Variants in TIPARP observed in about 807,000 individuals in gnomAD.
TIPARP encodes TCDD inducible poly(ADP-ribose) polymerase, also known as protein mono-ADP-ribosyltransferase TIPARP.
In TIPARP, 12 loss-of-function variants were observed where a neutral mutation model predicts 56.5. That is an observed-to-expected ratio of 0.21 (90% confidence interval 0.14 to 0.34). TIPARP has a LOEUF of 0.34. Ranked by LOEUF, TIPARP falls within the 10% of genes least tolerant of loss-of-function variation. The pLI is 1.00. For synonymous variants in TIPARP, 296 were observed against 265.7 expected, an observed-to-expected ratio of 1.11 and a Z score of -1.11; for missense variants, 604 against 781.6, an observed-to-expected ratio of 0.77 and a Z score of 2.71.
intron 2 of TIPARP, among the ~76,000 whole-genome samples, chr3:156,686,974 T>A (rs913376526): frequency 1.3e-5 from 2 of 152,158 alleles, no homozygotes; most frequent in African/African-American, 4.8e-5. Flanking sequence ...ATGGGAGGCA[T>A]TTTTTATTGT....
intron 2 of TIPARP, among the ~76,000 whole-genome samples, chr3:156,679,683 A>T (rs568865571): frequency 6.6e-6 from 1 of 152,322 alleles, no homozygotes; most frequent in East Asian, 1.9e-4. Context: ...TAGTACTGAG[A>T]TGACCCATAT....
At chr3:156,688,490 CCG>C (rs1491011200) in intron 2 of TIPARP, among the ~76,000 whole-genome samples, 10 of 149,310 alleles carry the variant, frequency 6.7e-5, no homozygotes, top group African/African-American at 1.5e-4. Flanking sequence ...CCGCCCCCCC[CCG>C]CAATAAGTAG....
chr3:156,693,793 T>A (rs891809007), intron 2 of TIPARP, among the ~76,000 whole-genome samples: 1 of 152,078 alleles, frequency 6.6e-6, no homozygotes, highest in Non-Finnish European at 1.5e-5. Flanking sequence ...CTTACTATAA[T>A]TCCATGGCCT....
At chr3:156,700,919 C>G (rs148988747) in intron 4 of TIPARP, among the ~76,000 whole-genome samples, 2,419 of 152,276 alleles carry the variant, frequency 0.016, 34 homozygotes, top group Middle Eastern at 0.075. Context: ...GGCTGGTGTC[C>G]GTCTGTGAAA....
At chr3:156,691,839 C>G (rs1316361724) in intron 2 of TIPARP, among the ~76,000 whole-genome samples, 1 of 152,142 alleles carries the variant, frequency 6.6e-6, no homozygotes, top group Non-Finnish European at 1.5e-5. Context: ...TTTGATACAT[C>G]AATCCAAAGA....
rs758489419 is a variant in TIPARP, at chr3:156,677,680, T to C, written c.-18T>C. 5 of 1,547,654 alleles carry C rather than the reference T, an allele frequency of 3.2e-6. No individual in the cohort carries two copies. The highest frequency in any genetic ancestry group is 2.1e-5 in the Admixed American group (1 of 47,444). On this transcript the variant is annotated 5_prime_UTR_variant, in exon 2 of 6. Transcript: ENST00000295924. ...AGGATTTTTAGACTCTGAGGAGCAGTTGGAGCTAATCCACATTATGGAAAT... is the reference window on the plus strand; with the variant it reads ...AGGATTTTTAGACTCTGAGGAGCAGCTGGAGCTAATCCACATTATGGAAAT...
chr3:156,677,805 G>A lies in TIPARP; in HGVS notation c.108G>A (p.Leu36=). Residue 36 remains leucine, a synonymous_variant, in exon 2 of 6, where the codon TTG becomes TTA. Coordinates refer to ENST00000295924, the MANE Select transcript of TIPARP (RefSeq NM_015508.5). ...GACTCTCTGAGAAGATCACTCCATTGAAGACTTGTTTTAAGAAAAAGGATC... is the reference window on the plus strand; with the variant it reads ...GACTCTCTGAGAAGATCACTCCATTAAAGACTTGTTTTAAGAAAAAGGATC... ...QMRLSEKITP[L]KTCFKKKDQK... is the part of the protein sequence containing the mutation. 1 of 1,614,138 alleles carries A rather than the reference G, an allele frequency of 6.2e-7. No individual in the cohort carries two copies. Among genetic ancestry groups the A allele is most frequent in the Non-Finnish European group, 8.5e-7 (1 of 1,180,034 alleles).
chr3:156,677,451 A>G lies in TIPARP; in HGVS notation c.-41-206A>G, dbSNP rs558421245. Among the ~76,000 whole-genome samples, 3 of 152,336 alleles carry G rather than the reference A, an allele frequency of 2.0e-5. No individual in the cohort carries two copies. The South Asian group carries it at 6.2e-4, about 32-fold the overall frequency. ...CCTGTTGAAAGACTCTTCTACTTTT[A>G]CCTGCTGTGTGCTTTTGAATAGCCT... On this transcript the variant is annotated intron_variant, in intron 1 of 5. Transcript: ENST00000295924.
At chr3:156,685,631 T>G (rs1722410634) in intron 2 of TIPARP, among the ~76,000 whole-genome samples, 1 of 152,240 alleles carries the variant, frequency 6.6e-6, no homozygotes. Flanking sequence ...TGGTAATGAT[T>G]AGAAAATATG....
rs142983405 is a variant in TIPARP, at chr3:156,690,064, A to G, written c.918-3956A>G. Reference sequence around the variant, plus strand: ...TACCAAATTAATGTGTCTACTTTAAATTACTTTGCTTTTTTTTTGGTCTCA... The same window carrying G: ...TACCAAATTAATGTGTCTACTTTAAGTTACTTTGCTTTTTTTTTGGTCTCA... On this transcript the variant is annotated intron_variant, in intron 2 of 5. Coordinates refer to ENST00000295924, the MANE Select transcript of TIPARP (RefSeq NM_015508.5). 1.1e-4 allele frequency among the ~76,000 whole-genome samples: 16 copies of G among 152,238 alleles called. No homozygotes were observed. In the East Asian group the frequency reaches 3.1e-3, roughly 29 times the overall value.
Position 156,677,715 on chromosome 3 carries a change from C to G in TIPARP, c.18C>G (p.Thr6=). The change falls in exon 2 of 6, where the codon ACC becomes ACG. Residue 6 remains threonine, a synonymous_variant. Coordinates refer to ENST00000295924, the MANE Select transcript of TIPARP (RefSeq NM_015508.5). MEMET[T]EPEPDCVVQP... ...TCCACATTATGGAAATGGAAACCAC[C>G]GAACCTGAGCCAGACTGTGTAGTGC... 6.3e-7 allele frequency: 1 copy of G among 1,587,940 alleles called. No homozygotes were observed.
At chr3:156,676,307 TATC>T (rs1464074622) in intron 1 of TIPARP, among the ~76,000 whole-genome samples, 1 of 152,228 alleles carries the variant, frequency 6.6e-6, no homozygotes, top group Non-Finnish European at 1.5e-5. Context: ...CTTTTGTACT[TATC>T]ATGTAAATTT....
chr3:156,677,695 A>T lies in TIPARP; in HGVS notation c.-3A>T. 4 of 1,573,076 alleles carry T rather than the reference A, an allele frequency of 2.5e-6. No individual in the cohort carries two copies. The highest frequency in any genetic ancestry group is 3.4e-6 in the Non-Finnish European group (4 of 1,164,742). The stretch of plus-strand genomic sequence containing the variant: ...TGAGGAGCAGTTGGAGCTAATCCAC[A>T]TTATGGAAATGGAAACCACCGAACC... On this transcript the variant is annotated 5_prime_UTR_variant, in exon 2 of 6. Transcript: ENST00000295924.
At chr3:156,694,548 T>C (rs1203600383) in intron 3 of TIPARP, among the ~76,000 whole-genome samples, 3 of 152,212 alleles carry the variant, frequency 2.0e-5, no homozygotes, top group Non-Finnish European at 4.4e-5. Flanking sequence ...CTTGGGCTTA[T>C]GGAGATTGGA....
chr3:156,677,911 G>A lies in TIPARP; in HGVS notation c.214G>A (p.Val72Ile). The change falls in exon 2 of 6, where the codon GTT becomes ATT. Residue 72 changes from valine (V) to isoleucine (I), a missense_variant. By Grantham distance (29) the Val-to-Ile change is conservative. This residue lies in a region of TIPARP where 261 missense variants were observed against 279.2 expected (regional missense o/e 0.93). Coordinates refer to ENST00000295924, the MANE Select transcript of TIPARP (RefSeq NM_015508.5). ...TCTAGAATCTGGCTCACTTGATGGGGTTTTTAGATCTAGGAACCAGAGTAC... is the reference window on the plus strand; with the variant it reads ...TCTAGAATCTGGCTCACTTGATGGGATTTTTAGATCTAGGAACCAGAGTAC... ...TLLESGSLDG[V>I]FRSRNQSTDE... 1 of 1,614,124 alleles carries A rather than the reference G, an allele frequency of 6.2e-7. No individual in the cohort carries two copies. The highest frequency in any genetic ancestry group is 1.1e-5 in the South Asian group (1 of 91,082).
Position 156,705,570 on chromosome 3 carries a change from T to C in TIPARP, c.*439T>C, listed in dbSNP as rs1018638209. On this transcript the variant is annotated 3_prime_UTR_variant, in exon 6 of 6. Coordinates refer to ENST00000295924, the MANE Select transcript of TIPARP (RefSeq NM_015508.5). ...AAACTTACTGGAACTAGTACTACCA[T>C]GCGTATTCCCTGTCCAAAGCATCAC... is the stretch of plus-strand genomic sequence containing the variant. 5.7e-5 allele frequency: 9 copies of C among 158,080 alleles called. No individual in the cohort carries two copies. In the South Asian group the frequency reaches 1.6e-3, roughly 29 times the overall value. 9.8% of individuals were successfully genotyped at this position (158,080 alleles called of 1,614,324 possible).
intron 4 of TIPARP, among the ~76,000 whole-genome samples, chr3:156,702,280 T>G (rs1346810746): frequency 6.6e-6 from 1 of 152,220 alleles, no homozygotes; most frequent in African/African-American, 2.4e-5. Context: ...CTAGCTATAC[T>G]CGGGCAAATT....
At chr3:156,695,023 A>T (rs1481201128) in intron 3 of TIPARP, among the ~76,000 whole-genome samples, 1 of 152,190 alleles carries the variant, frequency 6.6e-6, no homozygotes, top group African/African-American at 2.4e-5. Flanking sequence ...CAAAGAGAAT[A>T]CAAGGCTGTT....
At position 156,705,251 on chromosome 3, in the gene TIPARP, C is replaced by A; in HGVS notation, c.*120C>A. ...ACATTAATAGGGCACTTTTCAGACC[C>A]ATTTTTTAAAGTGCTAGAAAATGCT... On this transcript the variant is annotated 3_prime_UTR_variant, in exon 6 of 6. Coordinates refer to ENST00000295924, the MANE Select transcript of TIPARP (RefSeq NM_015508.5). 3 of 679,192 alleles carry A rather than the reference C, an allele frequency of 4.4e-6. No individual in the cohort carries two copies. Among genetic ancestry groups the A allele is most frequent in the Non-Finnish European group, 2.3e-6 (1 of 430,226 alleles). 42.1% of individuals were successfully genotyped at this position (679,192 alleles called of 1,614,324 possible). A position where few individuals can be genotyped will look rare whatever the true frequency, so the allele number is the denominator to read the frequency against.
Sources: allele counts gnomAD v4.1 joint callset (sites outside exome capture counted in the v4.1 genomes callset), GRCh38; gene constraint gnomAD v4.1.1; regional missense constraint gnomAD v4.1.1; transcripts MANE v1.5; gene names NCBI Gene and HGNC (gene_info 2026-07-23, HGNC 2026-07-21).